The following USH2A variants were observed in gnomAD, a reference collection of about 807,000 sequenced individuals.
The protein encoded by USH2A is usherin.
A neutral mutation model predicts 538.9 loss-of-function variants in USH2A; 443 were observed. That is an observed-to-expected ratio of 0.82 (90% CI 0.76 to 0.89). The LOEUF (loss-of-function observed/expected upper bound fraction) is 0.89, where lower values mean the gene tolerates loss of function less well. Among genes scored for constraint, USH2A ranks in the 40% least tolerant of loss-of-function variants. The pLI, the probability that USH2A is intolerant of heterozygous loss-of-function variation, is 0.00. For missense variants in USH2A, 6,633 were observed against 6,324.8 expected (o/e 1.05, Z -1.65); for synonymous variants, 2,413 against 2,273.5 (o/e 1.06, Z -1.75).
chr1:216,241,888 CT>C, intron 13 of USH2A, among the ~76,000 whole-genome samples: 1 of 152,250 alleles, frequency 6.6e-6, no homozygotes, highest in Admixed American at 6.5e-5. Context: ...AACAAAACTC[CT>C]TTCCAAAGGT....
chr1:216,223,556 C>T (rs375284878), intron 14 of USH2A, among the ~76,000 whole-genome samples: 11 of 152,158 alleles, frequency 7.2e-5, no homozygotes, highest in East Asian at 1.9e-4. Context: ...AACATCCTGA[C>T]GGTTCGGGCC....
Position 215,940,711 on chromosome 1 carries a change from C to T in USH2A, c.7121-5916G>A, listed in dbSNP as rs149765983. 2.5e-3 allele frequency among the ~76,000 whole-genome samples: 378 copies of T among 152,128 alleles called. 3 individuals are homozygous for T. The highest frequency in any genetic ancestry group is 8.3e-3 in the African/African-American group (344 of 41,514). The stretch of plus-strand genomic sequence containing the variant: ...ACTAAGACCTTCTGAGGACGGTGCT[C>T]GATTAATGCATCATATTTCTTACAT... On this transcript the variant is annotated intron_variant, in intron 37 of 71. Coordinates refer to ENST00000307340, the MANE Select transcript of USH2A (RefSeq NM_206933.4).
intron 50 of USH2A, among the ~76,000 whole-genome samples, chr1:215,793,789 A>G (rs989104740): frequency 2.0e-5 from 3 of 152,166 alleles, no homozygotes; most frequent in African/African-American, 7.2e-5. Context: ...AGAGTTTCAC[A>G]TCAAAGGCCG....
rs116583217 is a variant in USH2A at position 216,247,569 on chromosome 1, T to C, written c.2168-343A>G. Among the ~76,000 whole-genome samples the C allele has an allele frequency of 4.2e-3, 638 of 152,312 alleles. 6 individuals are homozygous for C. Among genetic ancestry groups the C allele is most frequent in the African/African-American group, 0.015 (621 of 41,582 alleles). ...TAACAAATGTGCTCATTTAAAATTATAGTAGAATTACATATAACAAATTAG... is the reference window on the plus strand; with the variant it reads ...TAACAAATGTGCTCATTTAAAATTACAGTAGAATTACATATAACAAATTAG... On this transcript the variant is annotated intron_variant, in intron 12 of 71. Transcript: ENST00000307340.
Position 215,634,539 on chromosome 1 carries a change from T to C in USH2A, c.15217A>G (p.Ile5073Val), listed in dbSNP as rs1656411301. 4 of 1,614,220 alleles carry C rather than the reference T, an allele frequency of 2.5e-6. No individual in the cohort carries two copies. The highest frequency in any genetic ancestry group is 3.3e-4 in the Middle Eastern group (2 of 6,062). The change falls in exon 70 of 72, where the codon ATC becomes GTC. Residue 5073 changes from isoleucine (I) to valine (V), a missense_variant. Transcript: ENST00000307340. ...GGTACCAAGGGAGGTCTTTCTCTGA[T>C]ATATGGCTCTTTGTGGATTTTTCTT... The part of the protein sequence containing the change: ...LQRKIHKEPY[I>V]RERPPLVPLQ...
chr1:216,127,207 GA>G (rs1390249295), intron 21 of USH2A, among the ~76,000 whole-genome samples: 1 of 152,046 alleles, frequency 6.6e-6, no homozygotes, highest in Non-Finnish European at 1.5e-5. Context: ...GTAAAATGAG[GA>G]AAAAAATGTA....
At chr1:216,015,586 T>G (rs1223334545) in intron 32 of USH2A, among the ~76,000 whole-genome samples, 1 of 152,218 alleles carries the variant, frequency 6.6e-6, no homozygotes, top group Non-Finnish European at 1.5e-5. Flanking sequence ...CTTTGAGGAA[T>G]CGCCACACTG....
chr1:216,145,826 G>T (rs913544642), intron 21 of USH2A, among the ~76,000 whole-genome samples: 2 of 152,002 alleles, frequency 1.3e-5, no homozygotes, highest in African/African-American at 4.8e-5. Flanking sequence ...GGCTCAAAAA[G>T]CACCCCCACT....
chr1:215,908,577 T>C (rs1665698343), intron 38 of USH2A, among the ~76,000 whole-genome samples: 1 of 151,970 alleles, frequency 6.6e-6, no homozygotes, highest in Non-Finnish European at 1.5e-5. Flanking sequence ...TTATTATAGA[T>C]AATCTTTCCT....
intron 38 of USH2A, among the ~76,000 whole-genome samples, chr1:215,932,623 A>G (rs370615369): frequency 6.6e-6 from 1 of 152,056 alleles, no homozygotes; most frequent in Non-Finnish European, 1.5e-5. Context: ...GCCATAATAA[A>G]CTTTAGCGAA....
chr1:215,716,600 T>C (rs1318010327), intron 61 of USH2A, among the ~76,000 whole-genome samples: 1 of 152,208 alleles, frequency 6.6e-6, no homozygotes, highest in South Asian at 2.1e-4. Context: ...AACATGTACA[T>C]CCGTTAAAAA....
At position 216,161,674 on chromosome 1, in the gene USH2A, C is replaced by T. The variant is rs534742899; in HGVS notation, c.4627+13578G>A. On this transcript the variant is annotated intron_variant, in intron 21 of 71. Transcript: ENST00000307340. ...GGATCTTTTCCTATGTCCTAATACA[C>T]TTTATGATTTTTATAATGCCAGTCT... Among the ~76,000 whole-genome samples, 4 of 152,086 alleles carry T rather than the reference C, an allele frequency of 2.6e-5. No homozygotes were observed. The East Asian group carries it at 5.8e-4, about 22-fold the overall frequency.
intron 37 of USH2A, among the ~76,000 whole-genome samples, chr1:215,941,404 T>G (rs528015031): frequency 6.6e-6 from 1 of 152,314 alleles, no homozygotes; most frequent in South Asian, 2.1e-4. Context: ...CTATTTTTAC[T>G]AACCATATAT....
intron 32 of USH2A, among the ~76,000 whole-genome samples, chr1:216,038,358 A>G (rs931900270): frequency 1.3e-5 from 2 of 151,998 alleles, no homozygotes; most frequent in Non-Finnish European, 2.9e-5. Context: ...CTGATGTCTT[A>G]ACTTTCTTAC....
intron 32 of USH2A, among the ~76,000 whole-genome samples, chr1:216,003,093 T>C (rs1481313941): frequency 1.3e-5 from 2 of 152,106 alleles, no homozygotes; most frequent in East Asian, 1.9e-4. Context: ...GAGTGGGAAG[T>C]GTCCGTTTCT....
At position 215,648,616 on chromosome 1, in the gene USH2A, G is replaced by A; in HGVS notation, c.14494C>T (p.Leu4832=). 1 of 1,614,254 alleles carries A rather than the reference G, an allele frequency of 6.2e-7. No individual in the cohort carries two copies. Among genetic ancestry groups the A allele is most frequent in the Non-Finnish European group, 8.5e-7 (1 of 1,180,036 alleles). Residue 4832 remains leucine, a synonymous_variant, in exon 66 of 72, where the codon CTG becomes TTG. Transcript: ENST00000307340. ...LRTHPAPPSG[L]SSPQIGTLAS... The stretch of plus-strand genomic sequence containing the variant: ...AGCGTCCCGATTTGTGGAGAGGACA[G>A]TCCTGAGGGTGGGGCAGGATGGGTT...
At chr1:215,852,855 T>C (rs1212487921) in intron 44 of USH2A, among the ~76,000 whole-genome samples, 2 of 152,232 alleles carry the variant, frequency 1.3e-5, no homozygotes, top group African/African-American at 2.4e-5. Flanking sequence ...CCCATGGTCT[T>C]GGGCAGCTCT....
intron 11 of USH2A, among the ~76,000 whole-genome samples, chr1:216,251,624 T>C (rs1192275286): frequency 1.3e-5 from 2 of 151,862 alleles, no homozygotes; most frequent in Admixed American, 1.3e-4. Context: ...CTAATTTTTG[T>C]AATTTTAGCA....
rs2032069546 is a variant in USH2A, at chr1:216,084,743, C to G, written c.5122G>C (p.Gly1708Arg). The G allele has an allele frequency of 2.5e-6, 4 of 1,613,394 alleles. No homozygotes were observed. Among genetic ancestry groups the G allele is most frequent in the Non-Finnish European group, 3.4e-6 (4 of 1,179,632 alleles). ...CCCTCATTTAATGAAGCGGGACATC[C>G]CTCCCAGCTGTTATACACGTTGATT... The part of the protein sequence containing the change: ...EQINVYNSWE[G>R]CPASLNEGAQ... Residue 1708 changes from glycine (G) to arginine (R), a missense_variant, in exon 25 of 72, where the codon GGA becomes CGA. Gly to Arg is a moderately radical substitution (Grantham distance 125, BLOSUM62 -2). Transcript: ENST00000307340.
Sources: allele counts gnomAD v4.1 joint callset (sites outside exome capture counted in the v4.1 genomes callset), GRCh38; gene constraint gnomAD v4.1.1; transcripts MANE v1.5; gene names NCBI Gene and HGNC (gene_info 2026-07-23, HGNC 2026-07-21).